The following DNAAF9 variants were observed in gnomAD, a reference collection of about 807,000 sequenced individuals.
DNAAF9 encodes the protein dynein axonemal assembly factor 9.
Under a neutral mutation model 167.0 loss-of-function variants are expected in DNAAF9, and 90 were observed. The observed-to-expected ratio is 0.54, with a 90% CI of 0.45 to 0.64. The LOEUF (loss-of-function observed/expected upper bound fraction) is 0.64, where lower values mean the gene tolerates loss of function less well. Among genes scored for constraint, DNAAF9 ranks in the 30% least tolerant of loss-of-function variants. The pLI, the probability that DNAAF9 is intolerant of heterozygous loss-of-function variation, is 0.00. For synonymous variants in DNAAF9, 491 were observed against 508.8 expected (o/e 0.96, Z 0.47); for missense variants, 1,315 against 1,442.2 (o/e 0.91, Z 1.43).
intron 25 of DNAAF9, among the ~76,000 whole-genome samples, chr20:3,293,292 CAAAAAAAAAA>C (rs1172725572): frequency 3.1e-4 from 7 of 22,862 alleles, no homozygotes; most frequent in Admixed American, 7.4e-4. Flanking sequence ...GACTCCGTCT[CAAAAAAAAAA>C]AAAAAAAAAA....
chr20:3,274,696 A>G (rs1206897093), intron 29 of DNAAF9, among the ~76,000 whole-genome samples: 1 of 152,220 alleles, frequency 6.6e-6, no homozygotes, highest in African/African-American at 2.4e-5. Flanking sequence ...GTAAGAATCC[A>G]TGAAATACAA....
At chr20:3,296,526 T>TG in intron 23 of DNAAF9, 1 of 307,934 alleles carries the variant, frequency 3.2e-6, no homozygotes, top group Non-Finnish European at 6.1e-6. Flanking sequence ...TACAGGCATG[T>TG]GCCACCATAC....
At chr20:3,407,306 CCTCTA>C (rs1475919141) in intron 1 of DNAAF9, among the ~76,000 whole-genome samples, 164 bp downstream of exon 1, 4 of 152,096 alleles carry the variant, frequency 2.6e-5, no homozygotes, top group African/African-American at 9.7e-5. Context: ...CATTGTGGGG[CCTCTA>C]CAGAGGGCGC....
chr20:3,292,353 T>C (rs1208961136), intron 25 of DNAAF9, among the ~76,000 whole-genome samples: 6 of 152,218 alleles, frequency 3.9e-5, no homozygotes, highest in Non-Finnish European at 8.8e-5. Flanking sequence ...ACAGATGCTT[T>C]ACACTCTTGC....
chr20:3,316,699 T>C (rs1243793730), intron 18 of DNAAF9, 24 bp downstream of exon 18: 10 of 1,581,034 alleles, frequency 6.3e-6, no homozygotes, highest in Admixed American at 3.3e-5. Flanking sequence ...GTAGGTCCAC[T>C]TCCACCTGAT....
At chr20:3,273,670 G>A (rs1490173657) in intron 29 of DNAAF9, among the ~76,000 whole-genome samples, 1 of 152,114 alleles carries the variant, frequency 6.6e-6, no homozygotes, top group Non-Finnish European at 1.5e-5. Flanking sequence ...CTGCCCCCAT[G>A]ACCCAAACAC....
chr20:3,305,230 A>C, intron 20 of DNAAF9, among the ~76,000 whole-genome samples: 2 of 152,184 alleles, frequency 1.3e-5, no homozygotes, highest in Non-Finnish European at 2.9e-5. Context: ...CAGACCATGG[A>C]AAAGATGGAC....
intron 11 of DNAAF9, among the ~76,000 whole-genome samples, chr20:3,330,919 G>A (rs1425926798): frequency 1.3e-5 from 2 of 151,798 alleles, no homozygotes; most frequent in Non-Finnish European, 2.9e-5. Flanking sequence ...AGCCTCCTGA[G>A]TAGCTGGGAT....
intron 21 of DNAAF9, among the ~76,000 whole-genome samples, chr20:3,298,597 G>A (rs1051807870): frequency 6.6e-6 from 1 of 151,952 alleles, no homozygotes; most frequent in Non-Finnish European, 1.5e-5. Context: ...TGGGATTACA[G>A]GGGTGAGCCA....
intron 29 of DNAAF9, among the ~76,000 whole-genome samples, chr20:3,276,738 A>G (rs1011964738): frequency 6.6e-6 from 1 of 152,180 alleles, no homozygotes; most frequent in African/African-American, 2.4e-5. Flanking sequence ...CAATCATCAC[A>G]CGGTGGACAA....
chr20:3,310,333 AAAAGAAAGAAAGAAAG>A (rs376196616), intron 20 of DNAAF9, among the ~76,000 whole-genome samples: 31 of 106,182 alleles, frequency 2.9e-4, no homozygotes, highest in East Asian at 1.1e-3. Context: ...AAGAGAAAGA[AAAAGAAAGAAAGAAAG>A]AAAGAAAGAA....
chr20:3,377,113 T>C (rs1278409171), intron 3 of DNAAF9, among the ~76,000 whole-genome samples: 4 of 152,178 alleles, frequency 2.6e-5, no homozygotes, highest in Admixed American at 6.5e-5. Context: ...ATCAACAGAA[T>C]GTCTGGGCTA....
chr20:3,258,858 G>A (rs942435611), intron 33 of DNAAF9, among the ~76,000 whole-genome samples: 6 of 152,128 alleles, frequency 3.9e-5, no homozygotes, highest in African/African-American at 1.2e-4. Flanking sequence ...CTCCAGTTAC[G>A]GTAAATGCTT....
chr20:3,300,532 CCT>C lies in DNAAF9; in HGVS notation c.1783-2359_1783-2358del, dbSNP rs200390700. The stretch of plus-strand genomic sequence containing the variant: ...GTGGCATGATCACAGCTCACTGCAA[CCT>C]CTGTCTCCTGGGCTCAGGAGATCCT... On this transcript the variant is annotated intron_variant, in intron 21 of 36. Transcript: ENST00000252032. Among the ~76,000 whole-genome samples the C allele has an allele frequency of 9.0e-3, 1,360 of 151,846 alleles. 19 individuals carry two copies. The highest frequency in any genetic ancestry group is 0.032 in the African/African-American group (1,306 of 41,440).
At chr20:3,406,613 G>A (rs1324220474) in intron 1 of DNAAF9, among the ~76,000 whole-genome samples, 1 of 152,100 alleles carries the variant, frequency 6.6e-6, no homozygotes, top group Admixed American at 6.5e-5. Context: ...CACAGAAATC[G>A]GAAACGGATC....
Position 3,340,579 on chromosome 20 carries a change from A to G in DNAAF9, c.906T>C (p.Ala302=). The part of the protein sequence containing the change: ...GNHSTRENLN[A]GNFNFPSEGH... ...CTTCAGAAGGGAAGTTAAAGTTGCC[A>G]GCATTCAGGTTTTCTCGTGTGGAGT... is the stretch of plus-strand genomic sequence containing the variant. The change falls in exon 10 of 37, where the codon GCT becomes GCC. Residue 302 remains alanine (A), a synonymous_variant. Transcript: ENST00000252032. 1 of 1,613,924 alleles carries G rather than the reference A, an allele frequency of 6.2e-7. No homozygotes were observed.
chr20:3,273,336 A>T (rs2068625656), intron 29 of DNAAF9, among the ~76,000 whole-genome samples: 1 of 152,216 alleles, frequency 6.6e-6, no homozygotes. Context: ...CTCAGAACAT[A>T]TAGAAAGTGT....
chr20:3,259,345 G>A (rs2068337625), intron 33 of DNAAF9, 135 bp downstream of exon 33: 2 of 707,392 alleles, frequency 2.8e-6, no homozygotes, highest in African/African-American at 1.7e-5. Flanking sequence ...TGGCGTGAAG[G>A]CCCAGGGTGG....
intron 6 of DNAAF9, among the ~76,000 whole-genome samples, chr20:3,360,727 T>G (rs956351742): frequency 5.3e-5 from 8 of 152,168 alleles, no homozygotes; most frequent in African/African-American, 9.7e-5. Context: ...TGTTCCAGTT[T>G]TCAGATTCCA....
Sources: allele counts gnomAD v4.1 joint callset (sites outside exome capture counted in the v4.1 genomes callset), GRCh38; gene constraint gnomAD v4.1.1; transcripts MANE v1.5; gene names NCBI Gene and HGNC (gene_info 2026-07-23, HGNC 2026-07-21).